Variants in VEGFA observed in about 807,000 individuals in gnomAD.
VEGFA encodes vascular endothelial growth factor A.
A neutral mutation model predicts 49.7 loss-of-function variants in VEGFA; 20 were observed. The ratio of observed to expected loss-of-function variants is 0.40; its 90% CI spans 0.28 to 0.58. The LOEUF (loss-of-function observed/expected upper bound fraction) is 0.58. Ranked by LOEUF, VEGFA falls within the 20% of genes least tolerant of loss-of-function variation. VEGFA has a pLI of 0.40. For synonymous variants in VEGFA, 219 were observed against 223.4 expected, an observed-to-expected ratio of 0.98 and a Z score of 0.18; for missense variants, 505 against 553.5, an observed-to-expected ratio of 0.91 and a Z score of 0.88.
At chr6:43,772,380 G>C (rs912897794) in intron 1 of VEGFA, among the ~76,000 whole-genome samples, 5 of 152,192 alleles carry the variant, frequency 3.3e-5, no homozygotes, top group African/African-American at 1.2e-4. Flanking sequence ...ACATTCCACC[G>C]AAAGTCCCGA....
rs1260429405 is a variant in VEGFA at position 43,782,067 on chromosome 6, G to A, written c.1146G>A (p.Glu382=). The A allele has an allele frequency of 6.2e-7, 1 of 1,613,984 alleles. No homozygotes were observed. The highest frequency in any genetic ancestry group is 8.5e-7 in the Non-Finnish European group (1 of 1,179,984). ...CGCGTTGCAAGGCGAGGCAGCTTGA[G>A]TTAAACGAACGTACTTGCAGGTTGG... Residue 382 remains glutamate, a synonymous_variant, in exon 7 of 8, where the codon GAG becomes GAA. Coordinates refer to ENST00000672860, the MANE Select transcript of VEGFA (RefSeq NM_003376.6).
At chr6:43,775,556 A>C (rs1765126419) in intron 2 of VEGFA, 1 of 151,748 alleles carries the variant, frequency 6.6e-6, no homozygotes, top group African/African-American at 2.4e-5. Flanking sequence ...AGGTCTTTTT[A>C]CCCTCAGTTA....
intron 6 of VEGFA, chr6:43,781,076 C>T (rs928808449): frequency 2.9e-5 from 21 of 717,044 alleles, no homozygotes; most frequent in African/African-American, 2.1e-4. Context: ...GGCTGGGCAC[C>T]GATTTTCTCT....
Position 43,777,395 on chromosome 6 carries a change from G to A in VEGFA, c.659-74G>A. ...GGAAGCTCCAAAGAGTGGCATTACA[G>A]AGCTGGGTGGAGAGAGGGGCTAGCC... is the stretch of plus-strand genomic sequence containing the variant. On this transcript the variant is annotated intron_variant, in intron 2 of 7. Transcript: ENST00000672860. This position sits in a 1 kb window ranked among gnomAD's most constrained non-coding sequence, Gnocchi z 4.3. 1 of 1,556,726 alleles carries A rather than the reference G, an allele frequency of 6.4e-7. No individual in the cohort carries two copies. The highest frequency in any genetic ancestry group is 8.8e-7 in the Non-Finnish European group (1 of 1,133,552).
intron 7 of VEGFA, chr6:43,782,428 T>C (rs1468995710): frequency 8.1e-6 from 3 of 370,968 alleles, no homozygotes; most frequent in South Asian, 2.2e-5. Flanking sequence ...CCTGATGTTA[T>C]TACTACCTCT....
chr6:43,774,170 A>C, intron 1 of VEGFA, 171 bp from the exon 2 acceptor site: 1 of 695,246 alleles, frequency 1.4e-6, no homozygotes, highest in Non-Finnish European at 2.6e-6. Context: ...AGTGGTGGGC[A>C]TATTCTGTGC....
intron 6 of VEGFA, 131 bp downstream of exon 6, chr6:43,780,934 GTCTC>G: frequency 1.2e-6 from 2 of 1,605,988 alleles, no homozygotes; most frequent in Admixed American, 1.7e-5. Flanking sequence ...CCTGGCCCGT[GTCTC>G]TCTCTCACTC....
chr6:43,778,065 T>C (rs1486821254), intron 3 of VEGFA: 2 of 443,970 alleles, frequency 4.5e-6, no homozygotes, highest in Middle Eastern at 6.4e-4. Flanking sequence ...GGGGCACATC[T>C]CAGCCCAGAT....
chr6:43,778,034 C>G, intron 3 of VEGFA: 2 of 438,148 alleles, frequency 4.6e-6, no homozygotes, highest in Non-Finnish European at 8.5e-6. Context: ...TTTAAAAAGT[C>G]TTTTGGTGTT....
intron 5 of VEGFA, chr6:43,779,134 C>T: frequency 1.6e-6 from 1 of 635,522 alleles, no homozygotes; most frequent in South Asian, 1.9e-5. Flanking sequence ...CTGGCACTTC[C>T]TTTGGAAGGG....
chr6:43,774,537 C>T (rs1054047804), intron 2 of VEGFA, 145 bp downstream of exon 2: 17 of 960,892 alleles, frequency 1.8e-5, no homozygotes, highest in South Asian at 7.0e-5. Context: ...CTGGGCACCA[C>T]GAGGTTCACC....
Position 43,771,197 on chromosome 6 carries a change from G to C in VEGFA, c.491G>C (p.Ser164Thr), listed in dbSNP as rs1452295912. ...GAGAGCGGGCCGCCCCACAGCCCGA[G>C]CCGGAGAGGGAGCGCGAGCCGCGCC... Residue 164 changes from serine to threonine, a missense_variant, in exon 1 of 8, where the codon AGC becomes ACC. Ser to Thr is a moderately conservative substitution (Grantham distance 58). Around this residue, in one of 2 missense-constraint regions of VEGFA, gnomAD observed 340 missense variants for 321.8 expected, o/e 1.06. Transcript: ENST00000672860. 1 of 1,599,238 alleles carries C rather than the reference G, an allele frequency of 6.3e-7. No individual in the cohort carries two copies. The highest frequency in any genetic ancestry group is 8.5e-7 in the Non-Finnish European group (1 of 1,175,440).
Position 43,784,281 on chromosome 6 carries a change from T to C in VEGFA, c.1167-260T>C, listed in dbSNP as rs1439360458. 6 of 594,110 alleles carry C rather than the reference T, an allele frequency of 1.0e-5. No individual in the cohort carries two copies. In the South Asian group the frequency reaches 1.2e-4, roughly 12 times the overall value. The allele number at this position is 594,110 out of a possible 1,614,324, so 36.8% of individuals were successfully genotyped here. On this transcript the variant is annotated intron_variant, in intron 7 of 7. Coordinates refer to ENST00000672860, the MANE Select transcript of VEGFA (RefSeq NM_003376.6). ...TCCCATGTCCTTGTCTTGTCTCAAG[T>C]AGATTGCAAGCTCAGGAGGGTAGAC...
At chr6:43,780,702 T>G (rs3025051) in intron 5 of VEGFA, 30 bp from the exon 6 acceptor site, 19,643 of 1,471,218 alleles carry the variant, frequency 0.013, 155 homozygotes, top group Non-Finnish European at 0.017. Flanking sequence ...GCCCCCGCTC[T>G]CTCTCTGTCT....
intron 1 of VEGFA, among the ~76,000 whole-genome samples, chr6:43,771,761 G>A (rs1034746013): frequency 6.6e-6 from 1 of 152,184 alleles, no homozygotes; most frequent in Non-Finnish European, 1.5e-5. Context: ...AGCGTGGAGG[G>A]GGCAGGGCGC....
intron 7 of VEGFA, chr6:43,784,312 GC>G: frequency 1.6e-6 from 1 of 610,370 alleles, no homozygotes; most frequent in Non-Finnish European, 2.9e-6. Flanking sequence ...TAGACTGGGA[GC>G]CCCTGAGTGG....
intron 5 of VEGFA, chr6:43,780,463 C>T (rs1416875556): frequency 2.0e-6 from 1 of 509,522 alleles, no homozygotes; most frequent in African/African-American, 1.9e-5. Context: ...TCTCGGCTTC[C>T]CACCAAAGCC....
intron 7 of VEGFA, 182 bp from the exon 8 acceptor site, chr6:43,784,359 G>T (rs1769004261): frequency 1.4e-6 from 1 of 695,118 alleles, no homozygotes; most frequent in Non-Finnish European, 2.6e-6. Context: ...TGAGGGCAGG[G>T]CTGGGGCTGT....
Position 43,770,985 on chromosome 6 carries a change from G to C in VEGFA, c.279G>C (p.Glu93Asp), listed in dbSNP as rs1351424000. The change falls in exon 1 of 8, where the codon GAG becomes GAC. Residue 93 changes from glutamate (E) to aspartate (D), a missense_variant. Physicochemically the swap from Glu to Asp is conservative, Grantham distance 45 (BLOSUM62 2). Coordinates refer to ENST00000672860, the MANE Select transcript of VEGFA (RefSeq NM_003376.6). ...CGGGCCGGGAGGAGCCGCAGCCGGA[G>C]GAGGGGGAGGAGGAAGAAGAGAAGG... 1.3e-6 allele frequency: 2 copies of C among 1,542,700 alleles called. No homozygotes were observed. The highest frequency in any genetic ancestry group is 1.2e-5 in the South Asian group (1 of 83,024).
Sources: allele counts gnomAD v4.1 joint callset (sites outside exome capture counted in the v4.1 genomes callset), GRCh38; gene constraint gnomAD v4.1.1; regional missense constraint gnomAD v4.1.1; non-coding constraint Gnocchi (gnomAD v3.1); transcripts MANE v1.5; gene names NCBI Gene and HGNC (gene_info 2026-07-23, HGNC 2026-07-21).